TEX11: variants seen among roughly 807,000 people sequenced by gnomAD.
TEX11 encodes testis-expressed protein 11.
Under a neutral mutation model 84.4 loss-of-function variants are expected in TEX11, and 7 were observed. That is an observed-to-expected ratio of 0.08 (90% confidence interval 0.05 to 0.16). The LOEUF (loss-of-function observed/expected upper bound fraction) is 0.16. Ranked by LOEUF, TEX11 falls within the 10% of genes least tolerant of loss-of-function variation. The pLI is 1.00. For missense variants in TEX11, 551 were observed against 660.5 expected (o/e 0.83, Z 1.82); for synonymous variants, 264 against 222.8 (o/e 1.18, Z -1.64).
chrX:70,797,112 G>A (rs2091159958), intron 9 of TEX11, among the ~76,000 whole-genome samples: 1 of 111,555 alleles, frequency 9.0e-6, no homozygotes, highest in African/African-American at 3.3e-5. Flanking sequence ...TCATTACTGG[G>A]GATACAGCCA....
At chrX:70,835,571 G>A (rs1286129327) in intron 7 of TEX11, among the ~76,000 whole-genome samples, 2 of 112,016 alleles carry the variant, frequency 1.8e-5, no homozygotes, top group Non-Finnish European at 3.8e-5. Context: ...CTGGAGTGAT[G>A]TCCTGCGTAT....
At chrX:70,568,270 C>G (rs906562529) in intron 25 of TEX11, among the ~76,000 whole-genome samples, 1 of 110,991 alleles carries the variant, frequency 9.0e-6, no homozygotes, top group African/African-American at 3.3e-5. Context: ...AGATCTTCCT[C>G]CATCCTTTTA....
intron 9 of TEX11, among the ~76,000 whole-genome samples, chrX:70,758,959 C>CA (rs1281875035): frequency 8.9e-6 from 1 of 111,866 alleles, no homozygotes. Context: ...CACAGAAATA[C>CA]AAACTACCAT....
intron 9 of TEX11, among the ~76,000 whole-genome samples, chrX:70,784,058 A>G (rs2091060844): frequency 8.9e-6 from 1 of 112,201 alleles, no homozygotes; most frequent in African/African-American, 3.2e-5. Context: ...TCCCTGACGA[A>G]CATTGATGCA....
intron 9 of TEX11, among the ~76,000 whole-genome samples, chrX:70,749,698 G>A (rs2147755168): frequency 2.0e-5 from 2 of 101,270 alleles, no homozygotes; most frequent in South Asian, 1.0e-3. Context: ...TTTTGTCTTT[G>A]GCTCTGTTTA....
At chrX:70,657,055 T>C (rs974828964) in intron 16 of TEX11, among the ~76,000 whole-genome samples, 1 of 112,420 alleles carries the variant, frequency 8.9e-6, no homozygotes. Context: ...ATATTCTATA[T>C]TTGTGCTATT....
At chrX:70,833,139 G>A (rs775991490) in intron 8 of TEX11, among the ~76,000 whole-genome samples, 24 of 108,572 alleles carry the variant, frequency 2.2e-4, no homozygotes, top group Non-Finnish European at 4.2e-4. Context: ...GTGTGGTGGC[G>A]CAGGCCTGTA....
chrX:70,769,717 G>T (rs1201127512), intron 9 of TEX11, among the ~76,000 whole-genome samples: 1 of 111,469 alleles, frequency 9.0e-6, no homozygotes, highest in Non-Finnish European at 1.9e-5. Flanking sequence ...GGACACCACA[G>T]AACATAATCT....
chrX:70,658,366 G>A (rs949539746), intron 16 of TEX11, among the ~76,000 whole-genome samples: 7 of 111,429 alleles, frequency 6.3e-5, no homozygotes, highest in African/African-American at 2.3e-4. Flanking sequence ...GCAGTGAGCC[G>A]AGATAGCACA....
At chrX:70,685,297 C>A (rs1317865283) in intron 13 of TEX11, among the ~76,000 whole-genome samples, 1 of 111,639 alleles carries the variant, frequency 9.0e-6, no homozygotes, top group Admixed American at 9.5e-5. Context: ...ACCCAGGAGA[C>A]ACAGGTTGCA....
At chrX:70,817,244 CATATATATAT>C (rs752569939) in intron 8 of TEX11, among the ~76,000 whole-genome samples, 6 of 100,872 alleles carry the variant, frequency 5.9e-5, no homozygotes, top group East Asian at 3.2e-4. Flanking sequence ...CACACACACA[CATATATATAT>C]ACACACACAC....
chrX:70,831,488 C>G (rs763602827), intron 8 of TEX11, among the ~76,000 whole-genome samples: 4 of 111,142 alleles, frequency 3.6e-5, no homozygotes, highest in Non-Finnish European at 7.5e-5. Flanking sequence ...AACTAGCCAG[C>G]CTTGGTGGCA....
At chrX:70,776,435 C>T (rs185276108) in intron 9 of TEX11, among the ~76,000 whole-genome samples, 7 of 109,285 alleles carry the variant, frequency 6.4e-5, no homozygotes, top group Admixed American at 2.0e-4. Flanking sequence ...TGGTGGTGCA[C>T]GCCTGTGGTC....
intron 3 of TEX11, 144 bp from the exon 4 acceptor site, chrX:70,873,451 C>T: frequency 2.3e-6 from 1 of 435,378 alleles, no homozygotes; most frequent in Non-Finnish European, 4.0e-6. Flanking sequence ...TACCTCTCCC[C>T]GCAAAAACTT....
chrX:70,846,893 C>T (rs1046593948), intron 7 of TEX11, among the ~76,000 whole-genome samples: 2 of 110,868 alleles, frequency 1.8e-5, no homozygotes, highest in African/African-American at 6.6e-5. Context: ...CACTGCACTA[C>T]AACCTAGGCA....
chrX:70,754,290 G>A (rs1387104893), intron 9 of TEX11, among the ~76,000 whole-genome samples: 1 of 111,411 alleles, frequency 9.0e-6, no homozygotes, highest in Non-Finnish European at 1.9e-5. Flanking sequence ...GGAAACAGTG[G>A]TCAGCAGTAG....
chrX:70,872,954 C>T (rs1365375040), intron 4 of TEX11, among the ~76,000 whole-genome samples: 2 of 111,120 alleles, frequency 1.8e-5, no homozygotes, highest in Admixed American at 1.9e-4. Flanking sequence ...ACTGTCCCAC[C>T]TTTTAATCAT....
chrX:70,812,459 G>A (rs985780207), intron 8 of TEX11, among the ~76,000 whole-genome samples: 9 of 110,650 alleles, frequency 8.1e-5, no homozygotes, highest in African/African-American at 9.9e-5. Context: ...TGCCCGTCTC[G>A]GCCTCCCAAA....
chrX:70,642,255 T>C (rs937806345), intron 17 of TEX11, among the ~76,000 whole-genome samples: 1 of 111,556 alleles, frequency 9.0e-6, no homozygotes, highest in Non-Finnish European at 1.9e-5. Flanking sequence ...AATAACAGGA[T>C]CTGATATTGT....
Sources: allele counts gnomAD v4.1 joint callset (sites outside exome capture counted in the v4.1 genomes callset), GRCh38; gene constraint gnomAD v4.1.1; transcripts MANE v1.5; gene names NCBI Gene and HGNC (gene_info 2026-07-23, HGNC 2026-07-21).